PRKN: variants seen among roughly 807,000 people sequenced by gnomAD.
PRKN encodes parkin RBR E3 ubiquitin protein ligase.
A neutral mutation model predicts 59.5 loss-of-function variants in PRKN; 56 were observed. The ratio of observed to expected loss-of-function variants is 0.94; its 90% CI spans 0.76 to 1.18. PRKN has a LOEUF of 1.18. PRKN is among the 50% of genes most tolerant of loss of function. The pLI, the probability that PRKN is intolerant of heterozygous loss-of-function variation, is 0.00. For missense variants in PRKN, 657 were observed against 596.4 expected (o/e 1.10, Z -1.06); for synonymous variants, 250 against 222.1 (o/e 1.13, Z -1.12).
chr6:161,875,382 C>T (rs569047085), intron 6 of PRKN, among the ~76,000 whole-genome samples: 55 of 151,484 alleles, frequency 3.6e-4, no homozygotes, highest in African/African-American at 1.2e-3. Flanking sequence ...TTTGTAGAGA[C>T]GGGGTTTCAT....
intron 7 of PRKN, among the ~76,000 whole-genome samples, chr6:161,655,883 C>T (rs763217087): frequency 2.8e-4 from 13 of 46,968 alleles, no homozygotes; most frequent in Middle Eastern, 9.6e-3. Flanking sequence ...CACACACACA[C>T]ATACACACAC....
chr6:162,663,424 A>C (rs1383360946), intron 1 of PRKN, among the ~76,000 whole-genome samples: 1 of 152,160 alleles, frequency 6.6e-6, no homozygotes, highest in African/African-American at 2.4e-5. Context: ...AAAAAAAGGA[A>C]ATTTCCCTAT....
intron 1 of PRKN, among the ~76,000 whole-genome samples, chr6:162,527,594 GT>G (rs1457121627): frequency 6.6e-6 from 1 of 152,114 alleles, no homozygotes; most frequent in African/African-American, 2.4e-5. Flanking sequence ...ACGTATAAAG[GT>G]CAAACCAGTT....
intron 4 of PRKN, among the ~76,000 whole-genome samples, chr6:162,198,704 G>T (rs73594285): frequency 0.037 from 5,574 of 150,644 alleles, 330 homozygotes; most frequent in African/African-American, 0.13. Flanking sequence ...TGATTTCAGA[G>T]AAGTAAAACC....
chr6:161,985,455 C>T (rs2128255769), intron 5 of PRKN, among the ~76,000 whole-genome samples: 1 of 152,220 alleles, frequency 6.6e-6, no homozygotes, highest in South Asian at 2.1e-4. Context: ...CAGGAGAGGA[C>T]ATATAAACGA....
chr6:162,350,296 T>G (rs1784571747), intron 2 of PRKN, among the ~76,000 whole-genome samples: 1 of 152,184 alleles, frequency 6.6e-6, no homozygotes, highest in South Asian at 2.1e-4. Context: ...ATAGATTCAT[T>G]GCAATCCTAA....
chr6:161,550,935 C>T lies in PRKN; in HGVS notation c.934-1932G>A, dbSNP rs1233832800. On this transcript the variant is annotated intron_variant, in intron 8 of 11. Coordinates refer to ENST00000366898, the MANE Select transcript of PRKN (RefSeq NM_004562.3). This position sits in a 1 kb window ranked among gnomAD's most constrained non-coding sequence, Gnocchi z 4.0. ...AAGTCATTAGCCTGAGCCTCTAATC[C>T]ATTTTCTCATTCTTCTGTCCCCAGG... 6.6e-6 allele frequency among the ~76,000 whole-genome samples: 1 copy of T among 152,088 alleles called. No homozygotes were observed. The highest frequency in any genetic ancestry group is 6.6e-5 in the Admixed American group (1 of 15,266).
chr6:162,148,590 A>G (rs899014269), intron 4 of PRKN, among the ~76,000 whole-genome samples: 2 of 104,578 alleles, frequency 1.9e-5, no homozygotes, highest in African/African-American at 5.5e-5. Context: ...TATAAGCCAG[A>G]TTGAAACAAA....
intron 7 of PRKN, among the ~76,000 whole-genome samples, chr6:161,689,734 G>A (rs1279464397): frequency 6.6e-6 from 1 of 151,868 alleles, no homozygotes; most frequent in Non-Finnish European, 1.5e-5. Flanking sequence ...TTTGAGACAA[G>A]AGTTTTGCTG....
chr6:161,831,872 T>C (rs2128218761), intron 6 of PRKN, among the ~76,000 whole-genome samples: 1 of 152,276 alleles, frequency 6.6e-6, no homozygotes, highest in African/African-American at 2.4e-5. Flanking sequence ...CTGGTCCAAG[T>C]CCCTGCAGAG....
chr6:162,264,044 C>T (rs554948968), intron 2 of PRKN, among the ~76,000 whole-genome samples: 43 of 152,172 alleles, frequency 2.8e-4, no homozygotes, highest in South Asian at 6.2e-4. Context: ...GAGGCCAAGG[C>T]GGGCGGATCA....
intron 7 of PRKN, among the ~76,000 whole-genome samples, chr6:161,771,334 C>G: frequency 1.5e-5 from 2 of 130,912 alleles, no homozygotes; most frequent in Admixed American, 1.8e-4. Flanking sequence ...CCAGCTTGGG[C>G]GACAGAACAA....
At chr6:162,478,909 G>A (rs1792160219) in intron 1 of PRKN, among the ~76,000 whole-genome samples, 1 of 152,202 alleles carries the variant, frequency 6.6e-6, no homozygotes, top group East Asian at 1.9e-4. Flanking sequence ...AGAACTGGAA[G>A]TTGCTCTGGG....
intron 4 of PRKN, among the ~76,000 whole-genome samples, chr6:162,059,303 G>C (rs541713047): frequency 1.4e-5 from 2 of 138,660 alleles, no homozygotes; most frequent in Admixed American, 7.7e-5. Flanking sequence ...GAATTCTTTT[G>C]AATCTGGGAC....
At chr6:162,216,831 G>T (rs983125449) in intron 3 of PRKN, among the ~76,000 whole-genome samples, 7 of 152,124 alleles carry the variant, frequency 4.6e-5, no homozygotes, top group African/African-American at 2.4e-5. Context: ...ATTTAAAAAT[G>T]AAATCTTTCT....
At chr6:161,977,610 G>A (rs938479475) in intron 5 of PRKN, among the ~76,000 whole-genome samples, 5 of 139,928 alleles carry the variant, frequency 3.6e-5, no homozygotes, top group African/African-American at 1.1e-4. Context: ...GCAGTGGCAC[G>A]ATCTTGGCTC....
At chr6:162,535,832 T>C (rs1007624823) in intron 1 of PRKN, among the ~76,000 whole-genome samples, 4 of 150,580 alleles carry the variant, frequency 2.7e-5, no homozygotes, top group Non-Finnish European at 5.9e-5. Context: ...TGCTTGAGCC[T>C]GGGAGGCAGA....
chr6:161,628,501 A>C (rs1479068529), intron 7 of PRKN, among the ~76,000 whole-genome samples: 1 of 152,190 alleles, frequency 6.6e-6, no homozygotes, highest in East Asian at 1.9e-4. Flanking sequence ...CCATCTCCTA[A>C]TACCATCACC....
intron 1 of PRKN, among the ~76,000 whole-genome samples, chr6:162,609,402 T>C (rs1431175401): frequency 1.3e-5 from 2 of 152,194 alleles, no homozygotes; most frequent in African/African-American, 2.4e-5. Context: ...CAGAAAAGAA[T>C]AGCAACTTCA....
Sources: gnomAD v4.1 joint callset for allele counts (sites outside exome capture counted in the v4.1 genomes callset) on GRCh38, gnomAD v4.1.1 for gene constraint, Gnocchi (gnomAD v3.1) non-coding constraint, MANE v1.5 for transcripts, NCBI Gene and HGNC (gene_info 2026-07-23, HGNC 2026-07-21) for gene names.